The following CDC45 variants were observed in gnomAD, a reference collection of about 807,000 sequenced individuals.
The protein encoded by CDC45 is cell division cycle 45.
In CDC45, 54 loss-of-function variants were observed where a neutral mutation model predicts 77.8. That is an observed-to-expected ratio of 0.69 (90% CI 0.56 to 0.87). The LOEUF is 0.87. Among genes scored for constraint, CDC45 ranks in the 40% least tolerant of loss-of-function variants. CDC45 has a pLI of 0.00. For missense variants in CDC45, 649 were observed against 721.6 expected, an observed-to-expected ratio of 0.90 and a Z score of 1.15; for synonymous variants, 260 against 272.1, an observed-to-expected ratio of 0.96 and a Z score of 0.44.
At chr22:19,481,093 AT>A (rs1225057525) in intron 3 of CDC45, 48 bp downstream of exon 3, 1 of 1,159,176 alleles carries the variant, frequency 8.6e-7, no homozygotes. Flanking sequence ...CTCAATTGTA[AT>A]TTCTTGACAC....
At chr22:19,508,353 T>C (rs546470261) in intron 12 of CDC45, among the ~76,000 whole-genome samples, 177 bp from the exon 13 acceptor site, 58 of 152,348 alleles carry the variant, frequency 3.8e-4, no homozygotes, top group Admixed American at 7.2e-4. Context: ...CCGGCCACTC[T>C]GGGCTGCAGG....
chr22:19,488,115 T>G (rs984022651), intron 5 of CDC45, among the ~76,000 whole-genome samples: 1 of 152,230 alleles, frequency 6.6e-6, no homozygotes, highest in Non-Finnish European at 1.5e-5. Context: ...TCAAATTTTG[T>G]ATCTGCTATA....
At chr22:19,488,753 T>G (rs965953652) in intron 5 of CDC45, among the ~76,000 whole-genome samples, 2 of 152,202 alleles carry the variant, frequency 1.3e-5, no homozygotes, top group African/African-American at 2.4e-5. Flanking sequence ...TAGAGAACAA[T>G]TCCATTACCC....
chr22:19,493,239 GTTGTTTTGTT>G (rs60107800), intron 5 of CDC45, among the ~76,000 whole-genome samples: 6 of 146,900 alleles, frequency 4.1e-5, no homozygotes, highest in South Asian at 2.2e-4. Flanking sequence ...TTTTTTTTTT[GTTGTTTTGTT>G]TTGTTTTGTT....
In CDC45 at chr22:19,514,877, C is replaced by G. The variant is rs140322380; in HGVS notation, c.1346C>G (p.Ser449Cys). Residue 449 changes from serine to cysteine, a missense_variant, in exon 14 of 19, where the codon TCT (serine) becomes TGT (cysteine). By Grantham distance (112) the Ser-to-Cys change is moderately radical. Coordinates refer to ENST00000263201, the MANE Select transcript of CDC45 (RefSeq NM_003504.5). ...TCCCAGGGGCCTTTCCTGTACTGCT[C>G]TCTCATGGAGGTCAGGCTTCCCACA... ...VISQGPFLYC[S>C]LMEGTPDVML... 8 of 1,614,124 alleles carry G rather than the reference C, an allele frequency of 5.0e-6. No individual in the cohort carries two copies. The highest frequency in any genetic ancestry group is 4.0e-5 in the African/African-American group (3 of 74,946).
At chr22:19,517,769 C>T (rs1315465397) in intron 17 of CDC45, among the ~76,000 whole-genome samples, 1 of 152,198 alleles carries the variant, frequency 6.6e-6, no homozygotes, top group Non-Finnish European at 1.5e-5. Context: ...GGACACCAGA[C>T]AGATTGGATT....
intron 5 of CDC45, among the ~76,000 whole-genome samples, chr22:19,484,574 C>G (rs554789606): frequency 3.3e-5 from 5 of 150,828 alleles, no homozygotes; most frequent in Admixed American, 3.3e-4. Context: ...GTGGTTGTTC[C>G]CATAGCACGG....
chr22:19,509,748 A>G (rs1018317904), intron 13 of CDC45, among the ~76,000 whole-genome samples: 2 of 152,168 alleles, frequency 1.3e-5, no homozygotes, highest in African/African-American at 2.4e-5. Flanking sequence ...AGGAGGAGGC[A>G]TGATTCAGAC....
chr22:19,504,915 T>G lies in CDC45; in HGVS notation c.705-447T>G, dbSNP rs13447248. The G allele has an allele frequency of 4.0e-3, 724 of 181,164 alleles. 2 individuals are homozygous for G. Among genetic ancestry groups the G allele is most frequent in the Non-Finnish European group, 5.4e-3 (461 of 85,754 alleles). The allele number at this position is 181,164 out of a possible 1,614,324, so 11.2% of individuals were successfully genotyped here. On this transcript the variant is annotated intron_variant, in intron 9 of 18. Transcript: ENST00000263201. ...ACACCAAGCAGCTACGAGGAAGCAGTCAGAGAGCACGCCGACCTAGTGACT... is the reference window on the plus strand; with the variant it reads ...ACACCAAGCAGCTACGAGGAAGCAGGCAGAGAGCACGCCGACCTAGTGACT...
intron 9 of CDC45, among the ~76,000 whole-genome samples, chr22:19,502,401 T>C (rs1431054330): frequency 1.3e-5 from 2 of 152,258 alleles, no homozygotes; most frequent in African/African-American, 4.8e-5. Flanking sequence ...TTTGAACTTA[T>C]TTACTTTGTT....
intron 8 of CDC45, among the ~76,000 whole-genome samples, chr22:19,497,858 T>G (rs1471605702): frequency 1.3e-5 from 2 of 149,560 alleles, no homozygotes; most frequent in Non-Finnish European, 3.0e-5. Flanking sequence ...AGTGCAGGAG[T>G]TTGAGACTAG....
At chr22:19,495,037 C>T (rs1271819361) in intron 6 of CDC45, among the ~76,000 whole-genome samples, 4 of 152,046 alleles carry the variant, frequency 2.6e-5, no homozygotes, top group Non-Finnish European at 4.4e-5. Flanking sequence ...GGTGACAGAG[C>T]GAGACCTTGT....
chr22:19,516,480 G>A, intron 15 of CDC45, 47 bp from the exon 16 acceptor site: 1 of 1,486,924 alleles, frequency 6.7e-7, no homozygotes, highest in Non-Finnish European at 9.4e-7. Context: ...TGAGTGTTGA[G>A]CTGGGGCCCA....
chr22:19,515,155 C>T, intron 15 of CDC45, 107 bp downstream of exon 15: 1 of 962,230 alleles, frequency 1.0e-6, no homozygotes, highest in Non-Finnish European at 1.5e-6. Context: ...TGTTGACCAG[C>T]TGCAAGGTCT....
chr22:19,498,313 A>G (rs561761524), intron 8 of CDC45, among the ~76,000 whole-genome samples: 1 of 152,308 alleles, frequency 6.6e-6, no homozygotes, highest in East Asian at 1.9e-4. Context: ...TGGGTGACTG[A>G]GTGAGATGCT....
At chr22:19,503,434 G>A (rs1443494477) in intron 9 of CDC45, among the ~76,000 whole-genome samples, 2 of 152,148 alleles carry the variant, frequency 1.3e-5, no homozygotes, top group African/African-American at 4.8e-5. Context: ...ACTTGCCCCT[G>A]TCAGCCCCCA....
At chr22:19,483,189 T>G (rs899925177) in intron 4 of CDC45, among the ~76,000 whole-genome samples, 3 of 152,136 alleles carry the variant, frequency 2.0e-5, no homozygotes, top group Non-Finnish European at 4.4e-5. Context: ...TCCCAGCACT[T>G]TGGGAGGCCG....
At chr22:19,511,536 C>T (rs1452595833) in intron 13 of CDC45, among the ~76,000 whole-genome samples, 1 of 151,976 alleles carries the variant, frequency 6.6e-6, no homozygotes, top group African/African-American at 2.4e-5. Context: ...TACCATGTTG[C>T]TCAGGCTGGT....
intron 5 of CDC45, among the ~76,000 whole-genome samples, chr22:19,484,521 C>T (rs568986896): frequency 1.3e-5 from 2 of 152,282 alleles, no homozygotes; most frequent in Admixed American, 6.5e-5. Context: ...AGTGGCCTAC[C>T]CAACACTACG....
Sources: gnomAD v4.1 joint callset for allele counts (sites outside exome capture counted in the v4.1 genomes callset) on GRCh38, gnomAD v4.1.1 for gene constraint, MANE v1.5 for transcripts, NCBI Gene and HGNC (gene_info 2026-07-23, HGNC 2026-07-21) for gene names.